Variants in INPP5A observed in about 807,000 individuals in gnomAD.
INPP5A encodes the protein inositol polyphosphate-5-phosphatase A.
A neutral mutation model predicts 65.2 loss-of-function variants in INPP5A; 14 were observed. The ratio of observed to expected loss-of-function variants is 0.21; its 90% confidence interval spans 0.14 to 0.34. INPP5A has a LOEUF of 0.34. Among genes scored for constraint, INPP5A ranks in the 10% least tolerant of loss-of-function variants. INPP5A has a pLI of 1.00. For missense variants in INPP5A, 431 were observed against 545.6 expected (o/e 0.79, Z 2.09); for synonymous variants, 207 against 208.3 (o/e 0.99, Z 0.05).
At chr10:132,639,714 C>T (rs140912495) in intron 2 of INPP5A, among the ~76,000 whole-genome samples, 14 of 152,248 alleles carry the variant, frequency 9.2e-5, no homozygotes, top group African/African-American at 2.2e-4. Flanking sequence ...TCCGACTACG[C>T]GTAGAGTAGA....
At chr10:132,687,860 G>A (rs1180284563) in intron 4 of INPP5A, among the ~76,000 whole-genome samples, 2 of 152,252 alleles carry the variant, frequency 1.3e-5, no homozygotes, top group African/African-American at 2.4e-5. Context: ...AGGAGGCAGA[G>A]GCCACCATGG....
intron 2 of INPP5A, among the ~76,000 whole-genome samples, chr10:132,642,032 G>A (rs1413036640): frequency 6.6e-6 from 1 of 152,250 alleles, no homozygotes; most frequent in African/African-American, 2.4e-5. Flanking sequence ...GGTCCAGTGG[G>A]AGGGGATGTG....
intron 4 of INPP5A, among the ~76,000 whole-genome samples, chr10:132,689,407 A>AC (rs752391069): frequency 2.0e-5 from 3 of 152,076 alleles, no homozygotes; most frequent in African/African-American, 4.8e-5. Context: ...AGGACCTGCT[A>AC]CCCCCACAGG....
chr10:132,564,259 C>G (rs2071244583), intron 1 of INPP5A, among the ~76,000 whole-genome samples: 1 of 152,076 alleles, frequency 6.6e-6, no homozygotes, highest in African/African-American at 2.4e-5. Context: ...GACACATGAT[C>G]CTGGGGAGGG....
chr10:132,651,485 T>TG lies in INPP5A; in HGVS notation c.306+984dup, dbSNP rs2072576238. On this transcript the variant is annotated intron_variant, in intron 4 of 15. Coordinates refer to ENST00000368594, the MANE Select transcript of INPP5A (RefSeq NM_005539.5). This position sits in a 1 kb window ranked among gnomAD's most constrained non-coding sequence, Gnocchi z 5.0. ...GGCTTGGGTCCATCTCCCCCATCTC[T>TG]GGGGAGGCCCTGGGTCCCCCGGCCT... Among the ~76,000 whole-genome samples, 1 of 151,074 alleles carries TG rather than the reference T, an allele frequency of 6.6e-6. No individual in the cohort carries two copies. Among genetic ancestry groups the TG allele is most frequent in the South Asian group, 2.1e-4 (1 of 4,768 alleles).
At chr10:132,596,710 G>A (rs549891731) in intron 1 of INPP5A, among the ~76,000 whole-genome samples, 65 of 152,258 alleles carry the variant, frequency 4.3e-4, no homozygotes, top group South Asian at 8.3e-4. Context: ...GATTACAGGC[G>A]TGAGCCACCA....
At chr10:132,719,795 C>A (rs189530893) in intron 8 of INPP5A, among the ~76,000 whole-genome samples, 1 of 150,560 alleles carries the variant, frequency 6.6e-6, no homozygotes, top group South Asian at 2.1e-4. Flanking sequence ...CTTGTGGGTT[C>A]TGTGGTGCCT....
At chr10:132,596,434 GTTT>G (rs796621283) in intron 1 of INPP5A, among the ~76,000 whole-genome samples, 10 of 142,780 alleles carry the variant, frequency 7.0e-5, no homozygotes, top group African/African-American at 2.1e-4. Flanking sequence ...GTTTTGTTTT[GTTT>G]TTTTTTTTTG....
At chr10:132,557,370 C>G (rs1053124356) in intron 1 of INPP5A, among the ~76,000 whole-genome samples, 3 of 152,378 alleles carry the variant, frequency 2.0e-5, no homozygotes, top group African/African-American at 7.2e-5. Flanking sequence ...CACGCGGGCA[C>G]CTGGCCTGTG....
At chr10:132,679,629 G>A (rs185884763) in intron 4 of INPP5A, among the ~76,000 whole-genome samples, 3 of 152,286 alleles carry the variant, frequency 2.0e-5, no homozygotes, top group South Asian at 2.1e-4. Flanking sequence ...GGTGGAGGGC[G>A]TGAGAAGGTG....
chr10:132,744,756 A>G (rs1846338770), intron 9 of INPP5A, among the ~76,000 whole-genome samples: 1 of 152,062 alleles, frequency 6.6e-6, no homozygotes, highest in Non-Finnish European at 1.5e-5. Context: ...CAAGGAGAGG[A>G]AGAAGTTGTT....
chr10:132,567,562 A>G (rs2071287692), intron 1 of INPP5A, among the ~76,000 whole-genome samples: 1 of 152,190 alleles, frequency 6.6e-6, no homozygotes. Context: ...CCAGGATGGT[A>G]ACACGGGACA....
chr10:132,744,392 C>T (rs1299535814), intron 9 of INPP5A, among the ~76,000 whole-genome samples: 1 of 152,172 alleles, frequency 6.6e-6, no homozygotes. Flanking sequence ...ATGGCCAGAT[C>T]AGGAATTCCA....
chr10:132,660,614 G>C (rs1347084573), intron 4 of INPP5A, among the ~76,000 whole-genome samples: 1 of 149,674 alleles, frequency 6.7e-6, no homozygotes, highest in Non-Finnish European at 1.5e-5. Context: ...TCTGAGCAGA[G>C]GCTCTGGTGT....
chr10:132,716,592 G>A lies in INPP5A; in HGVS notation c.647+6136G>A, dbSNP rs140490457. ...ATGCCTGTGCTGGGCCATGGGGGCC[G>A]TGTGTCTCCACTCCCGCTGGTCCTT... On this transcript the variant is annotated intron_variant, in intron 8 of 15. Coordinates refer to ENST00000368594, the MANE Select transcript of INPP5A (RefSeq NM_005539.5). Among the ~76,000 whole-genome samples, 459 of 152,278 alleles carry A rather than the reference G, an allele frequency of 3.0e-3. 4 individuals carry two copies. The highest frequency in any genetic ancestry group is 0.02 in the Middle Eastern group (6 of 294).
intron 1 of INPP5A, among the ~76,000 whole-genome samples, chr10:132,564,979 C>T (rs1451577156): frequency 6.6e-6 from 1 of 152,236 alleles, no homozygotes; most frequent in Non-Finnish European, 1.5e-5. Context: ...GCAGCAGTAC[C>T]AACACCAACA....
chr10:132,717,845 G>C (rs61585680), intron 8 of INPP5A, among the ~76,000 whole-genome samples: 8 of 138,294 alleles, frequency 5.8e-5, no homozygotes, highest in South Asian at 2.3e-4. Flanking sequence ...CGGCTGTCTT[G>C]CGGGTTCTGT....
intron 8 of INPP5A, among the ~76,000 whole-genome samples, chr10:132,724,483 T>C (rs1845948848): frequency 6.6e-6 from 1 of 152,220 alleles, no homozygotes; most frequent in Non-Finnish European, 1.5e-5. Flanking sequence ...TTAAAACTTT[T>C]GCCTGACAGA....
At position 132,700,068 on chromosome 10, in the gene INPP5A, G is replaced by A. The variant is rs886279684; in HGVS notation, c.474+2149G>A. On this transcript the variant is annotated intron_variant, in intron 6 of 15. Transcript: ENST00000368594. Reference sequence around the variant, plus strand: ...TGTGGAGGGCATAGCACGAGGGGCCGCCCCTCCCCCAGGAAGAGCAGCCTC... The same window carrying A: ...TGTGGAGGGCATAGCACGAGGGGCCACCCCTCCCCCAGGAAGAGCAGCCTC... Among the ~76,000 whole-genome samples, 4 of 152,176 alleles carry A rather than the reference G, an allele frequency of 2.6e-5. No homozygotes were observed. In the South Asian group the frequency reaches 6.2e-4, roughly 24 times the overall value.
Sources: gnomAD v4.1 joint callset for allele counts (sites outside exome capture counted in the v4.1 genomes callset) on GRCh38, gnomAD v4.1.1 for gene constraint, Gnocchi (gnomAD v3.1) non-coding constraint, MANE v1.5 for transcripts, NCBI Gene and HGNC (gene_info 2026-07-23, HGNC 2026-07-21) for gene names.